The following TGFA variants were observed in gnomAD, a reference collection of about 807,000 sequenced individuals.
TGFA encodes the protein protransforming growth factor alpha.
TGFA carries 12 observed loss-of-function variants against 21.7 expected under a neutral mutation model. The observed-to-expected ratio is 0.55, with a 90% CI of 0.35 to 0.90. TGFA has a LOEUF of 0.90. Among genes scored for constraint, TGFA ranks in the 40% least tolerant of loss-of-function variants. The pLI is 0.01. For synonymous variants in TGFA, 79 were observed against 88.1 expected (o/e 0.90, Z 0.58); for missense variants, 178 against 210.8 (o/e 0.84, Z 0.96).
chr2:70,485,244 C>A (rs782504596), intron 2 of TGFA, among the ~76,000 whole-genome samples: 1 of 152,066 alleles, frequency 6.6e-6, no homozygotes, highest in Non-Finnish European at 1.5e-5. Context: ...AGTCATCCCC[C>A]CCCTTTCTTT....
At chr2:70,500,298 G>C (rs1553498952) in intron 2 of TGFA, among the ~76,000 whole-genome samples, 2 of 152,128 alleles carry the variant, frequency 1.3e-5, no homozygotes, top group African/African-American at 4.8e-5. Flanking sequence ...TATTAACTGA[G>C]AATCCTCTCT....
At chr2:70,502,493 C>T (rs1553499308) in intron 2 of TGFA, among the ~76,000 whole-genome samples, 1 of 152,200 alleles carries the variant, frequency 6.6e-6, no homozygotes, top group East Asian at 1.9e-4. Flanking sequence ...GTGTGAGTCA[C>T]CATGCCTGGC....
intron 1 of TGFA, among the ~76,000 whole-genome samples, chr2:70,543,345 TG>T (rs1378856244): frequency 6.6e-6 from 1 of 151,734 alleles, no homozygotes; most frequent in African/African-American, 2.4e-5. Context: ...CTGGCCAACA[TG>T]GCAAAACCCC....
chr2:70,550,163 G>C (rs1376410370), intron 1 of TGFA, among the ~76,000 whole-genome samples: 2 of 152,102 alleles, frequency 1.3e-5, no homozygotes, highest in African/African-American at 4.8e-5. Flanking sequence ...TCATTCTTTA[G>C]GTCCACATTC....
chr2:70,501,567 C>A (rs1553499162), intron 2 of TGFA, among the ~76,000 whole-genome samples: 1 of 152,126 alleles, frequency 6.6e-6, no homozygotes, highest in Non-Finnish European at 1.5e-5. Flanking sequence ...TATAATAATA[C>A]CCTGTTACTC....
chr2:70,522,698 G>C (rs190027200), intron 1 of TGFA, among the ~76,000 whole-genome samples: 1 of 152,290 alleles, frequency 6.6e-6, no homozygotes, highest in East Asian at 1.9e-4. Flanking sequence ...ACCTCCCAAA[G>C]TGCTGGGATC....
rs1286809754 is a variant in TGFA, at chr2:70,539,610, A to G, written c.40+14118T>C. The stretch of plus-strand genomic sequence containing the variant: ...GCTGGGATTACAGGCACCTGCCATT[A>G]TGCCCAGCTAATTTTTATATTTTTA... On this transcript the variant is annotated intron_variant, in intron 1 of 5. Coordinates refer to ENST00000295400, the MANE Select transcript of TGFA (RefSeq NM_003236.4). Among the ~76,000 whole-genome samples, 3 of 152,226 alleles carry G rather than the reference A, an allele frequency of 2.0e-5. No homozygotes were observed. The East Asian group carries it at 5.8e-4, about 29-fold the overall frequency.
At chr2:70,508,937 AAAGC>A (rs1483166721) in intron 2 of TGFA, among the ~76,000 whole-genome samples, 1 of 152,204 alleles carries the variant, frequency 6.6e-6, no homozygotes, top group East Asian at 1.9e-4. Flanking sequence ...TTTTGCTCAA[AAAGC>A]ACTGACCCAG....
intron 1 of TGFA, among the ~76,000 whole-genome samples, chr2:70,552,314 C>A (rs1553506933): frequency 6.6e-6 from 1 of 152,170 alleles, no homozygotes; most frequent in Non-Finnish European, 1.5e-5. Context: ...GAGTAAAATG[C>A]TCGAATAGCA....
chr2:70,482,055 A>G (rs1292882194), intron 2 of TGFA, among the ~76,000 whole-genome samples: 1 of 152,286 alleles, frequency 6.6e-6, no homozygotes, highest in East Asian at 1.9e-4. Flanking sequence ...TTGAGTTTCT[A>G]TAAGTATTCT....
intron 1 of TGFA, among the ~76,000 whole-genome samples, chr2:70,515,936 CAG>C (rs1206304352): frequency 6.6e-6 from 1 of 152,212 alleles, no homozygotes; most frequent in Non-Finnish European, 1.5e-5. Flanking sequence ...ACTGCAACTG[CAG>C]AGTGTTAAAC....
At chr2:70,464,545 C>A (rs530664227) in intron 3 of TGFA, among the ~76,000 whole-genome samples, 1 of 152,150 alleles carries the variant, frequency 6.6e-6, no homozygotes. Context: ...GTGCTATTGG[C>A]ATCTAGTAGA....
chr2:70,541,262 C>T (rs1553505166), intron 1 of TGFA, among the ~76,000 whole-genome samples: 3 of 152,292 alleles, frequency 2.0e-5, no homozygotes, highest in African/African-American at 7.2e-5. Context: ...AGAATATATC[C>T]TAGCCATTAA....
intron 1 of TGFA, among the ~76,000 whole-genome samples, chr2:70,543,818 T>C (rs1420331137): frequency 6.6e-6 from 1 of 152,202 alleles, no homozygotes; most frequent in East Asian, 1.9e-4. Context: ...AAAGATGAGA[T>C]GCTTTAAAAT....
chr2:70,497,839 T>A (rs1168947212), intron 2 of TGFA, among the ~76,000 whole-genome samples: 1 of 152,210 alleles, frequency 6.6e-6, no homozygotes, highest in African/African-American at 2.4e-5. Context: ...TTAAAGCTAA[T>A]TCATATCAAA....
At chr2:70,454,647 C>T (rs1344057288) in intron 4 of TGFA, among the ~76,000 whole-genome samples, 1 of 152,222 alleles carries the variant, frequency 6.6e-6, no homozygotes, top group Non-Finnish European at 1.5e-5. Flanking sequence ...AAGCTGGTCC[C>T]AACTTGGACC....
chr2:70,510,869 G>A (rs1038042756), intron 2 of TGFA, among the ~76,000 whole-genome samples: 2 of 152,110 alleles, frequency 1.3e-5, no homozygotes. Flanking sequence ...GGCCAGGCGT[G>A]GTGACTCATG....
At chr2:70,468,620 C>T (rs72910010) in intron 2 of TGFA, 4,771 of 152,366 alleles carry the variant, frequency 0.031, 269 homozygotes, top group African/African-American at 0.11. Context: ...ACGTTAGCTC[C>T]GCCTCCTGTC....
At chr2:70,543,911 C>A (rs1280292458) in intron 1 of TGFA, among the ~76,000 whole-genome samples, 4 of 152,134 alleles carry the variant, frequency 2.6e-5, no homozygotes, top group Admixed American at 2.6e-4. Flanking sequence ...TGGAGCAGAT[C>A]TAGCAGTTTA....
Sources: allele counts gnomAD v4.1 joint callset (sites outside exome capture counted in the v4.1 genomes callset), GRCh38; gene constraint gnomAD v4.1.1; transcripts MANE v1.5; gene names NCBI Gene and HGNC (gene_info 2026-07-23, HGNC 2026-07-21).